VRTN: variants seen among roughly 807,000 people sequenced by gnomAD.
VRTN encodes vertebrae development associated, also known as vertnin.
In VRTN, 5 loss-of-function variants were observed where a neutral mutation model predicts 18.2. The observed-to-expected ratio is 0.27, with a 90% CI of 0.14 to 0.58. The LOEUF is 0.58. Among genes scored for constraint, VRTN ranks in the 20% least tolerant of loss-of-function variants. The probability of loss-of-function intolerance (pLI) is 0.91; values close to 1 mark genes in which losing one functional copy is unlikely to be tolerated. For missense variants in VRTN, 741 were observed against 939.4 expected (o/e 0.79, Z 2.76); for synonymous variants, 381 against 393.7 (o/e 0.97, Z 0.38).
At chr14:74,323,736 C>T (rs2085470328) in intron 1 of VRTN, among the ~76,000 whole-genome samples, 1 of 152,106 alleles carries the variant, frequency 6.6e-6, no homozygotes, top group South Asian at 2.1e-4. Flanking sequence ...ACTCCCTAGT[C>T]CTCCCACTGG....
At chr14:74,311,378 T>A (rs557714517) in intron 1 of VRTN, among the ~76,000 whole-genome samples, 1 of 152,192 alleles carries the variant, frequency 6.6e-6, no homozygotes, top group African/African-American at 2.4e-5. Context: ...CAAACACAAA[T>A]ACTCCTTTTC....
At chr14:74,310,067 C>A (rs149783368) in intron 1 of VRTN, among the ~76,000 whole-genome samples, 1 of 152,150 alleles carries the variant, frequency 6.6e-6, no homozygotes, top group Non-Finnish European at 1.5e-5. Flanking sequence ...CAAAATATGA[C>A]ACCCTCACTG....
intron 1 of VRTN, among the ~76,000 whole-genome samples, chr14:74,327,667 A>G (rs776960422): frequency 3.9e-4 from 60 of 152,042 alleles, no homozygotes; most frequent in Admixed American, 8.5e-4. Context: ...GCCCTTGTGG[A>G]CTGGGCCTAA....
chr14:74,357,312 T>A lies in VRTN; in HGVS notation c.529T>A (p.Tyr177Asn). 1 of 1,613,648 alleles carries A rather than the reference T, an allele frequency of 6.2e-7. No homozygotes were observed. The highest frequency in any genetic ancestry group is 1.3e-5 in the African/African-American group (1 of 75,048). Reference protein sequence around the residue: ...PSSFSNVWHLYALASVLQRNI... With the variant: ...PSSFSNVWHLNALASVLQRNI... The stretch of plus-strand genomic sequence containing the variant: ...CAGCTTCTCCAACGTGTGGCACTTG[T>A]ATGCTCTCGCCTCTGTCCTCCAGCG... Residue 177 changes from tyrosine to asparagine, a missense_variant, in exon 2 of 2, where the codon TAT (tyrosine) becomes AAT (asparagine). Physicochemically the swap from Tyr to Asn is moderately radical, Grantham distance 143. Around this residue, in one of 3 missense-constraint regions of VRTN, gnomAD observed 186 missense variants for 288.3 expected, o/e 0.65. Coordinates refer to ENST00000256362, the MANE Select transcript of VRTN (RefSeq NM_018228.3). The surrounding 1 kb of genome is among the most constrained non-coding windows in gnomAD (Gnocchi z 7.8).
upstream of VRTN, among the ~76,000 whole-genome samples, chr14:74,348,005 C>G (rs538362705): frequency 6.6e-6 from 1 of 152,306 alleles, no homozygotes; most frequent in African/African-American, 2.4e-5. Context: ...TCCAGTCTGC[C>G]TGGTTCTGCC....
intron 1 of VRTN, among the ~76,000 whole-genome samples, chr14:74,308,821 AG>A: frequency 6.6e-6 from 1 of 150,678 alleles, no homozygotes; most frequent in Non-Finnish European, 1.5e-5. Flanking sequence ...CTGCTCTTCA[AG>A]GCTTCTTATG....
intron 1 of VRTN, 142 bp from the exon 2 acceptor site, chr14:74,356,641 C>A (rs1442279253): frequency 8.3e-7 from 1 of 1,210,048 alleles, no homozygotes; most frequent in Non-Finnish European, 1.1e-6. Flanking sequence ...CAGTGATGAA[C>A]CAATCCCGTC....
intron 1 of VRTN, among the ~76,000 whole-genome samples, chr14:74,325,892 T>C (rs189001100): frequency 1.3e-5 from 2 of 152,348 alleles, no homozygotes; most frequent in Admixed American, 1.3e-4. Flanking sequence ...TTCTGCCTCG[T>C]TTTCCTATGC....
At chr14:74,305,446 T>C in intron 1 of VRTN, 2 of 193,398 alleles carry the variant, frequency 1.0e-5, no homozygotes, top group Non-Finnish European at 2.3e-5. Flanking sequence ...AGGAACTTAC[T>C]TCTTCAAGCT....
At chr14:74,344,246 CAA>C (rs71115985), upstream of VRTN, among the ~76,000 whole-genome samples, 3 of 32,508 alleles carry the variant, frequency 9.2e-5, no homozygotes, top group Non-Finnish European at 1.5e-4. Context: ...CTGCTTTCTA[CAA>C]AAAAAAAAAA....
rs1477260419 is a variant in VRTN, at chr14:74,305,346, A to AAAG, written c.-164+2183_-164+2185dup. On this transcript the variant is annotated intron_variant, in intron 1 of 2. Transcript: ENST00000557177. ...AGACTGTTTCAAAAAAAAAAAAAAA[A>AAAG]AAGAAGAAGAAGAAGTAATACACCA... 5.1e-4 allele frequency: 68 copies of AAAG among 132,830 alleles called. 1 individual carries two copies. The highest frequency in any genetic ancestry group is 1.5e-3 in the East Asian group (7 of 4,660). The allele number at this position is 132,830 out of a possible 1,614,324, so 8.2% of individuals were successfully genotyped here.
At chr14:74,323,340 T>TC (rs1416439399) in intron 1 of VRTN, among the ~76,000 whole-genome samples, 1 of 151,900 alleles carries the variant, frequency 6.6e-6, no homozygotes, top group Non-Finnish European at 1.5e-5. Flanking sequence ...TCCCAGCACT[T>TC]TGGGAGGCCG....
intron 1 of VRTN, among the ~76,000 whole-genome samples, chr14:74,315,868 C>T (rs943870958): frequency 1.3e-5 from 2 of 152,128 alleles, no homozygotes; most frequent in Non-Finnish European, 2.9e-5. Context: ...CAGCCTCAGC[C>T]GACCCCATGG....
intron 1 of VRTN, among the ~76,000 whole-genome samples, chr14:74,352,254 C>T (rs975455096): frequency 6.6e-6 from 1 of 152,070 alleles, no homozygotes; most frequent in African/African-American, 2.4e-5. Flanking sequence ...TCTCGGCTCA[C>T]TGCAACCTCT....
rs140223640 is a variant in VRTN, at chr14:74,310,119, C to T, written c.-164+6943C>T. 5.9e-4 allele frequency among the ~76,000 whole-genome samples: 90 copies of T among 152,228 alleles called. 2 individuals carry two copies. Among genetic ancestry groups the T allele is most frequent in the South Asian group, 3.3e-3 (16 of 4,824 alleles). On this transcript the variant is annotated intron_variant, in intron 1 of 2. Transcript: ENST00000557177. ...CAGCTATTAATAAGAAGGAGATGGC[C>T]GGGTGCCATGGCTCACGCCTGTAAT...
Position 74,357,661 on chromosome 14 carries a change from A to G in VRTN, c.878A>G (p.Lys293Arg). Residue 293 changes from lysine (K) to arginine (R), a missense_variant, in exon 2 of 2, where the codon AAA becomes AGA. By Grantham distance (26) the Lys-to-Arg change is conservative (BLOSUM62 2). Coordinates refer to ENST00000256362, the MANE Select transcript of VRTN (RefSeq NM_018228.3). This position sits in a 1 kb window ranked among gnomAD's most constrained non-coding sequence, Gnocchi z 7.8. ...CTCTGTGAGCGCTACAGCGTCACCA[A>G]AAGCACCTTCTACCGCTGGCGGCGG... is the stretch of plus-strand genomic sequence containing the variant. Reference protein sequence around the residue: ...SHLCERYSVTKSTFYRWRRQS... With the variant: ...SHLCERYSVTRSTFYRWRRQS... 6.2e-7 allele frequency: 1 copy of G among 1,613,868 alleles called. No homozygotes were observed. The highest frequency in any genetic ancestry group is 8.5e-7 in the Non-Finnish European group (1 of 1,179,992).
At chr14:74,331,494 A>C (rs2085522992) in intron 1 of VRTN, among the ~76,000 whole-genome samples, 1 of 139,252 alleles carries the variant, frequency 7.2e-6, no homozygotes. Flanking sequence ...GCACCATTGC[A>C]CTCCAGCCTG....
At chr14:74,303,736 CTTA>C (rs1312388655) in intron 1 of VRTN, among the ~76,000 whole-genome samples, 1 of 151,760 alleles carries the variant, frequency 6.6e-6, no homozygotes, top group Non-Finnish European at 1.5e-5. Context: ...TCCTCCAATC[CTTA>C]TTAAGTTTCA....
chr14:74,334,816 C>T (rs2085552805), intron 1 of VRTN, among the ~76,000 whole-genome samples: 1 of 152,188 alleles, frequency 6.6e-6, no homozygotes, highest in Non-Finnish European at 1.5e-5. Context: ...CAGGTACATG[C>T]CGCCCACCTC....
Sources: gnomAD v4.1 joint callset for allele counts (sites outside exome capture counted in the v4.1 genomes callset) on GRCh38, gnomAD v4.1.1 for gene constraint, gnomAD v4.1.1 regional missense constraint, Gnocchi (gnomAD v3.1) non-coding constraint, MANE v1.5 for transcripts, NCBI Gene and HGNC (gene_info 2026-07-23, HGNC 2026-07-21) for gene names.